The following RARB variants were observed in gnomAD, a reference collection of about 807,000 sequenced individuals.
RARB encodes the protein retinoic acid receptor beta, also known as HBV-activated protein.
Under a neutral mutation model 51.9 loss-of-function variants are expected in RARB, and 17 were observed. The ratio of observed to expected loss-of-function variants is 0.33; its 90% CI spans 0.22 to 0.49. RARB has a LOEUF of 0.49. Ranked by LOEUF, RARB falls within the 20% of genes least tolerant of loss-of-function variation. The pLI, the probability that RARB is intolerant of heterozygous loss-of-function variation, is 0.99. For synonymous variants in RARB, 215 were observed against 195.4 expected (o/e 1.10, Z -0.84); for missense variants, 369 against 550.8 (o/e 0.67, Z 3.30).
chr3:25,489,889 A>G (rs1696644588), intron 2 of RARB, among the ~76,000 whole-genome samples: 1 of 152,252 alleles, frequency 6.6e-6, no homozygotes, highest in Non-Finnish European at 1.5e-5. Context: ...CTCAGTGTGT[A>G]GAGGTCGATA....
chr3:24,989,037 G>T (rs1354339112), intron 2 of RARB, among the ~76,000 whole-genome samples: 1 of 152,024 alleles, frequency 6.6e-6, no homozygotes, highest in Non-Finnish European at 1.5e-5. Context: ...CGTTGGCCAG[G>T]CTGGTCTTGA....
intron 2 of RARB, among the ~76,000 whole-genome samples, chr3:24,908,462 C>T (rs1694914731): frequency 6.6e-6 from 1 of 152,088 alleles, no homozygotes; most frequent in Non-Finnish European, 1.5e-5. Flanking sequence ...AGAACCTTAA[C>T]AATTTGGATC....
chr3:25,297,423 T>C (rs1321316987), intron 5 of RARB, among the ~76,000 whole-genome samples: 2 of 147,716 alleles, frequency 1.4e-5, no homozygotes, highest in African/African-American at 5.0e-5. Flanking sequence ...TTTTTTTTTT[T>C]TTTTTTTGAC....
At chr3:25,369,199 T>A (rs949907138) in intron 5 of RARB, among the ~76,000 whole-genome samples, 8 of 152,202 alleles carry the variant, frequency 5.3e-5, no homozygotes, top group African/African-American at 1.7e-4. Flanking sequence ...TGAAAATGTT[T>A]TCATTAACTC....
intron 5 of RARB, among the ~76,000 whole-genome samples, chr3:25,365,967 A>G (rs1487142534): frequency 6.6e-6 from 1 of 152,170 alleles, no homozygotes; most frequent in Non-Finnish European, 1.5e-5. Flanking sequence ...TCTCTATAGG[A>G]AGTCTGTCAA....
chr3:25,400,657 A>G (rs1707239472), intron 5 of RARB, among the ~76,000 whole-genome samples: 2 of 152,184 alleles, frequency 1.3e-5, no homozygotes. Context: ...GGATAGGAAT[A>G]TTATTTTATT....
At chr3:25,565,076 C>G (rs1194592988) in intron 3 of RARB, among the ~76,000 whole-genome samples, 1 of 152,158 alleles carries the variant, frequency 6.6e-6, no homozygotes, top group Non-Finnish European at 1.5e-5. Context: ...CCTGCCACAC[C>G]CAGTAATACA....
chr3:24,861,811 C>G (rs1421852800), intron 2 of RARB, among the ~76,000 whole-genome samples: 1 of 152,042 alleles, frequency 6.6e-6, no homozygotes, highest in Non-Finnish European at 1.5e-5. Flanking sequence ...GTGAAAAAGA[C>G]AAGTGACATT....
At chr3:25,314,564 T>C (rs1575305182) in intron 5 of RARB, among the ~76,000 whole-genome samples, 1 of 152,316 alleles carries the variant, frequency 6.6e-6, no homozygotes, top group African/African-American at 2.4e-5. Context: ...AATGGCACAA[T>C]GGATGTGTGT....
chr3:25,545,479 G>C (rs149560018), intron 3 of RARB, among the ~76,000 whole-genome samples: 2 of 152,126 alleles, frequency 1.3e-5, no homozygotes, highest in East Asian at 3.9e-4. Flanking sequence ...TTGAGTCCAG[G>C]TGTGTTACTT....
chr3:25,333,071 G>A (rs931937719), intron 5 of RARB, among the ~76,000 whole-genome samples: 4 of 152,196 alleles, frequency 2.6e-5, no homozygotes, highest in African/African-American at 7.2e-5. Flanking sequence ...TGGATAGGAA[G>A]AATCAATATC....
At chr3:24,889,488 A>G (rs982234608) in intron 2 of RARB, among the ~76,000 whole-genome samples, 2 of 152,190 alleles carry the variant, frequency 1.3e-5, no homozygotes, top group African/African-American at 4.8e-5. Context: ...GCAAACCATA[A>G]TTTTATTTCC....
chr3:25,259,026 T>C (rs1411392512), intron 5 of RARB: 1 of 985,168 alleles, frequency 1.0e-6, no homozygotes, highest in African/African-American at 1.7e-5. Context: ...AGACTGCTTC[T>C]GATATTAGTA....
At chr3:25,159,154 CTTTTTTTTTTTTTT>C (rs397874262) in intron 4 of RARB, among the ~76,000 whole-genome samples, 3 of 65,306 alleles carry the variant, frequency 4.6e-5, no homozygotes, top group Non-Finnish European at 5.5e-5. Context: ...TCCAAATTGT[CTTTTTTTTTTTTTT>C]TTTTTTTTTT....
At chr3:24,983,372 T>A (rs1696718440) in intron 2 of RARB, among the ~76,000 whole-genome samples, 2 of 152,180 alleles carry the variant, frequency 1.3e-5, no homozygotes, top group Admixed American at 1.3e-4. Context: ...TTATATTTAT[T>A]TATTTATTTT....
chr3:25,534,715 G>A (rs1227629730), intron 3 of RARB, among the ~76,000 whole-genome samples: 1 of 151,854 alleles, frequency 6.6e-6, no homozygotes, highest in Non-Finnish European at 1.5e-5. Flanking sequence ...TCACATTTCA[G>A]GTTTGTATTT....
At chr3:25,510,805 C>T (rs1458639134) in intron 3 of RARB, among the ~76,000 whole-genome samples, 1 of 152,100 alleles carries the variant, frequency 6.6e-6, no homozygotes, top group Non-Finnish European at 1.5e-5. Flanking sequence ...TATTTATTGT[C>T]TTTTTATTAC....
intron 5 of RARB, among the ~76,000 whole-genome samples, chr3:25,359,665 G>A (rs1029191165): frequency 6.6e-6 from 1 of 152,080 alleles, no homozygotes; most frequent in Non-Finnish European, 1.5e-5. Context: ...AGAGATTCTG[G>A]TATGTTGTGT....
At chr3:25,130,962 T>TCAATATTTATTATTGATAA (rs1408967590) in intron 3 of RARB, among the ~76,000 whole-genome samples, 11 of 44,206 alleles carry the variant, frequency 2.5e-4, no homozygotes, top group African/African-American at 1.0e-3. Context: ...ATTGATAATA[T>TCAATATTTATTATTGATAA]TATCAATATT....
Sources: allele counts gnomAD v4.1 joint callset (sites outside exome capture counted in the v4.1 genomes callset), GRCh38; gene constraint gnomAD v4.1.1; transcripts MANE v1.5; gene names NCBI Gene and HGNC (gene_info 2026-07-23, HGNC 2026-07-21).